Variants in CIITA observed in about 807,000 individuals in gnomAD.
CIITA encodes class II major histocompatibility complex transactivator.
In CIITA, 72 loss-of-function variants were observed where a neutral mutation model predicts 115.1. The ratio of observed to expected loss-of-function variants is 0.63; its 90% CI spans 0.52 to 0.76. The LOEUF is 0.76. CIITA is among the 30% of genes least tolerant of loss of function. The pLI, the probability that CIITA is intolerant of heterozygous loss-of-function variation, is 0.00. For missense variants in CIITA, 1,617 were observed against 1,463.8 expected, an observed-to-expected ratio of 1.10 and a Z score of -1.71; for synonymous variants, 763 against 635.6, an observed-to-expected ratio of 1.20 and a Z score of -3.02.
chr16:10,907,400 G>A lies in CIITA; in HGVS notation c.1908G>A (p.Thr636=), dbSNP rs200398959. The change falls in exon 11 of 20, where the codon ACG becomes ACA. Residue 636 remains threonine (T), a synonymous_variant. Transcript: ENST00000324288. This position sits in a 1 kb window ranked among gnomAD's most constrained non-coding sequence, Gnocchi z 5.0. ...GGGAGGACGCCAAGCTGCCCTCCAC[G>A]CTCACGGGACTCTATGTCGGCCTGC... ...ELGEDAKLPS[T]LTGLYVGLLG... is the part of the protein sequence containing the mutation. 77 of 1,613,198 alleles carry A rather than the reference G, an allele frequency of 4.8e-5. No homozygotes were observed. Among genetic ancestry groups the A allele is most frequent in the South Asian group, 3.7e-4 (34 of 91,066 alleles).
At chr16:10,892,889 G>A (rs564232296) in intron 1 of CIITA, among the ~76,000 whole-genome samples, 30 of 152,064 alleles carry the variant, frequency 2.0e-4, no homozygotes, top group African/African-American at 5.5e-4. Context: ...CCGATACAGC[G>A]CCACTGCATT....
chr16:10,898,945 G>T lies in CIITA; in HGVS notation c.379G>T (p.Val127Leu). 1.2e-6 allele frequency: 2 copies of T among 1,614,042 alleles called. No individual in the cohort carries two copies. Among genetic ancestry groups the T allele is most frequent in the Non-Finnish European group, 1.7e-6 (2 of 1,180,010 alleles). Residue 127 changes from valine (V) to leucine (L), a missense_variant, in exon 5 of 20, where the codon GTG becomes TTG. By Grantham distance (32) the Val-to-Leu change is conservative (BLOSUM62 1). Transcript: ENST00000324288. ...DIFKHIGPDE[V>L]IGESMEMPAE... Reference sequence around the variant, plus strand: ...AGTAGAGCACATAGGACCAGATGAAGTGATCGGTGAGAGTATGGAGATGCC... The same window carrying T: ...AGTAGAGCACATAGGACCAGATGAATTGATCGGTGAGAGTATGGAGATGCC...
Position 10,929,498 on chromosome 16 carries a change from C to A in CIITA, c.*5643C>A. 5 of 985,710 alleles carry A rather than the reference C, an allele frequency of 5.1e-6. No homozygotes were observed. The highest frequency in any genetic ancestry group is 6.0e-6 in the Non-Finnish European group (5 of 829,964). The allele number at this position is 985,710 out of a possible 1,614,324, so 61.1% of individuals were successfully genotyped here. Reference sequence around the variant, plus strand: ...TCAGCACTCAGTCCCAATCTCTCTTCCACTCTCCTGGGTTCAAACAGGAAC... The same window carrying A: ...TCAGCACTCAGTCCCAATCTCTCTTACACTCTCCTGGGTTCAAACAGGAAC... On this transcript the variant is annotated 3_prime_UTR_variant, in exon 20 of 20. Transcript: ENST00000324288. The surrounding 1 kb of genome is among the most constrained non-coding windows in gnomAD (Gnocchi z 4.3).
In CIITA at chr16:10,935,224, T is replaced by C. The variant is rs967649824; in HGVS notation, c.*11369T>C. ...ATGTAAGTAACAATTTTAGAGGGTA[T>C]ACGGAGGTGACCCTAAGTAACAAGG... On this transcript the variant is annotated 3_prime_UTR_variant, in exon 20 of 20. Coordinates refer to ENST00000324288, the MANE Select transcript of CIITA (RefSeq NM_000246.4). 6.6e-6 allele frequency: 1 copy of C among 152,246 alleles called. No individual in the cohort carries two copies. Among genetic ancestry groups the C allele is most frequent in the African/African-American group, 2.4e-5 (1 of 41,460 alleles). 9.4% of individuals were successfully genotyped at this position (152,246 alleles called of 1,614,324 possible).
intron 13 of CIITA, among the ~76,000 whole-genome samples, chr16:10,913,801 C>T (rs2039755198): frequency 6.6e-6 from 1 of 151,818 alleles, no homozygotes; most frequent in Non-Finnish European, 1.5e-5. Context: ...ATTAGCTGGG[C>T]ATGGTGGCAG....
chr16:10,929,322 G>A lies in CIITA; in HGVS notation c.*5467G>A. 1 of 985,934 alleles carries A rather than the reference G, an allele frequency of 1.0e-6. No homozygotes were observed. The allele number at this position is 985,934 out of a possible 1,614,324, so 61.1% of individuals were successfully genotyped here. On this transcript the variant is annotated 3_prime_UTR_variant, in exon 20 of 20. Coordinates refer to ENST00000324288, the MANE Select transcript of CIITA (RefSeq NM_000246.4). This position sits in a 1 kb window ranked among gnomAD's most constrained non-coding sequence, Gnocchi z 4.3. ...TGCGCTCCGGGATGAAGTGCAGGGAGGCAAACTCTGGCTGGGTTCCTGTAA... is the reference window on the plus strand; with the variant it reads ...TGCGCTCCGGGATGAAGTGCAGGGAAGCAAACTCTGGCTGGGTTCCTGTAA...
rs28428951 is a variant in CIITA at position 10,926,896 on chromosome 16, T to C, written c.*3041T>C. 31 of 152,372 alleles carry C rather than the reference T, an allele frequency of 2.0e-4. No individual in the cohort carries two copies. Among genetic ancestry groups the C allele is most frequent in the African/African-American group, 6.5e-4 (27 of 41,588 alleles). 9.4% of individuals were successfully genotyped at this position (152,372 alleles called of 1,614,324 possible). ...AGGGAAATTCAAAGCGCTCAGAAAG[T>C]ATTAGCTCAATAAGTGATGACTGTG... On this transcript the variant is annotated 3_prime_UTR_variant, in exon 20 of 20. Transcript: ENST00000324288.
rs1281975512 is a variant in CIITA, at chr16:10,898,677, G to A, written c.303G>A (p.Leu101=). The change falls in exon 4 of 20, where the codon CTG becomes CTA. Residue 101 remains leucine, a synonymous_variant. Transcript: ENST00000324288. ...TREAYANIAE[L]DQYVFQDSQL... is the part of the protein sequence containing the mutation. Reference sequence around the variant, plus strand: ...TTTTCCTTGTCTGGGCAGCGGAACTGGACCAGTATGTCTTCCAGGACTCCC... The same window carrying A: ...TTTTCCTTGTCTGGGCAGCGGAACTAGACCAGTATGTCTTCCAGGACTCCC... 6.2e-7 allele frequency: 1 copy of A among 1,610,402 alleles called. No individual in the cohort carries two copies. Among genetic ancestry groups the A allele is most frequent in the Non-Finnish European group, 8.5e-7 (1 of 1,178,628 alleles).
Position 10,901,769 on chromosome 16 carries a change from G to T in CIITA, c.481+211G>T, listed in dbSNP as rs2038783184. The T allele has an allele frequency of 7.5e-6, 5 of 670,468 alleles. No individual in the cohort carries two copies. The East Asian group carries it at 1.4e-4, about 18-fold the overall frequency. The allele number at this position is 670,468 out of a possible 1,614,324, so 41.5% of individuals were successfully genotyped here. On this transcript the variant is annotated intron_variant, in intron 6 of 19. Transcript: ENST00000324288. The surrounding 1 kb of genome is among the most constrained non-coding windows in gnomAD (Gnocchi z 6.8). ...AGGTGGTAGGGGCTTGGAGCTAACAGATTGTTCATAGGTTCTATTCTGCCC... is the reference window on the plus strand; with the variant it reads ...AGGTGGTAGGGGCTTGGAGCTAACATATTGTTCATAGGTTCTATTCTGCCC...
chr16:10,877,289 GC>G lies in CIITA; in HGVS notation c.-40del. 1 of 1,602,042 alleles carries G rather than the reference GC, an allele frequency of 6.2e-7. No homozygotes were observed. Among genetic ancestry groups the G allele is most frequent in the Non-Finnish European group, 8.5e-7 (1 of 1,173,092 alleles). On this transcript the variant is annotated 5_prime_UTR_variant, in exon 1 of 20. Transcript: ENST00000324288. The stretch of plus-strand genomic sequence containing the variant: ...GAAGCTGAGGGCACGAGGAGGGGCT[GC>G]CAGACTCCGGGAGCTGCTGCCTGGC...
intron 18 of CIITA, chr16:10,922,842 T>G: frequency 2.0e-6 from 1 of 496,812 alleles, no homozygotes; most frequent in Non-Finnish European, 3.7e-6. Context: ...GGTTCAGGTT[T>G]ATCTTTTATT....
Position 10,922,213 on chromosome 16 carries a change from C to T in CIITA, c.3196C>T (p.Arg1066Cys), listed in dbSNP as rs748757331. 23 of 1,614,110 alleles carry T rather than the reference C, an allele frequency of 1.4e-5. No individual in the cohort carries two copies. Among genetic ancestry groups the T allele is most frequent in the East Asian group, 4.5e-5 (2 of 44,892 alleles). The change falls in exon 17 of 20, where the codon CGT becomes TGT. Residue 1066 changes from arginine to cysteine, a missense_variant. Coordinates refer to ENST00000324288, the MANE Select transcript of CIITA (RefSeq NM_000246.4). ...ICDVGAESLA[R>C]VLPDMVSLRV... ...CGACGTGGGAGCCGAGAGCTTGGCT[C>T]GTGTGCTTCCGGACATGGTGTCCCT...
intron 2 of CIITA, 43 bp downstream of exon 2, chr16:10,895,471 C>G (rs762001031): frequency 1.2e-6 from 2 of 1,610,046 alleles, no homozygotes; most frequent in African/African-American, 2.7e-5. Context: ...TCCCCCACCC[C>G]TCAGCTTGCT....
At chr16:10,880,802 G>C (rs1014056306) in intron 1 of CIITA, among the ~76,000 whole-genome samples, 3 of 152,192 alleles carry the variant, frequency 2.0e-5, no homozygotes, top group African/African-American at 4.8e-5. Context: ...CCTCAGATTT[G>C]CCTTGAGTCA....
intron 1 of CIITA, among the ~76,000 whole-genome samples, chr16:10,893,443 A>C (rs367769215): frequency 6.6e-6 from 1 of 152,196 alleles, no homozygotes; most frequent in East Asian, 1.9e-4. Flanking sequence ...CAAGTTCTTC[A>C]TCTGCCAATG....
intron 1 of CIITA, among the ~76,000 whole-genome samples, chr16:10,878,093 C>T (rs2036018319): frequency 6.6e-6 from 1 of 152,154 alleles, no homozygotes; most frequent in South Asian, 2.1e-4. Flanking sequence ...GATGAGGGAC[C>T]TAGCACAGTG....
chr16:10,893,102 A>C (rs2037759331), intron 1 of CIITA, among the ~76,000 whole-genome samples: 1 of 152,176 alleles, frequency 6.6e-6, no homozygotes, highest in South Asian at 2.1e-4. Flanking sequence ...CCACAAGACC[A>C]CAAGTCAAGG....
intron 13 of CIITA, among the ~76,000 whole-genome samples, chr16:10,912,846 C>T (rs1007432355): frequency 1.3e-5 from 2 of 152,178 alleles, no homozygotes; most frequent in Non-Finnish European, 2.9e-5. Flanking sequence ...CGGAAGCCCC[C>T]GAGGAGGTTC....
At chr16:10,880,972 G>A (rs141461022) in intron 1 of CIITA, among the ~76,000 whole-genome samples, 81 of 152,294 alleles carry the variant, frequency 5.3e-4, no homozygotes, top group African/African-American at 1.8e-3. Flanking sequence ...TAAAGGGATT[G>A]TTTAGAAAGA....
Sources: gnomAD v4.1 joint callset for allele counts (sites outside exome capture counted in the v4.1 genomes callset) on GRCh38, gnomAD v4.1.1 for gene constraint, Gnocchi (gnomAD v3.1) non-coding constraint, MANE v1.5 for transcripts, NCBI Gene and HGNC (gene_info 2026-07-23, HGNC 2026-07-21) for gene names.